The following SLC4A8 variants were observed in gnomAD, a reference collection of about 807,000 sequenced individuals.
SLC4A8 encodes solute carrier family 4 member 8.
In SLC4A8, 40 loss-of-function variants were observed where a neutral mutation model predicts 125.0. The ratio of observed to expected loss-of-function variants is 0.32; its 90% confidence interval spans 0.25 to 0.42. The LOEUF (loss-of-function observed/expected upper bound fraction) is 0.42. Among genes scored for constraint, SLC4A8 ranks in the 10% least tolerant of loss-of-function variants. The probability of loss-of-function intolerance (pLI) is 1.00; values close to 1 mark genes in which losing one functional copy is unlikely to be tolerated. For missense variants in SLC4A8, 863 were observed against 1,355.1 expected, an observed-to-expected ratio of 0.64 and a Z score of 5.70; for synonymous variants, 456 against 476.0, an observed-to-expected ratio of 0.96 and a Z score of 0.55.
rs551601029 is a variant in SLC4A8, at chr12:51,400,090, A to T, written c.-112+8602A>T. On this transcript the variant is annotated intron_variant, in intron 1 of 24. Transcript: ENST00000358657. ...GGTGGAGTGGGCAGAGGCCATGCAG[A>T]CCCAAGCACTGCCCCTTGGCCCTCT... Among the ~76,000 whole-genome samples, 5 of 152,108 alleles carry T rather than the reference A, an allele frequency of 3.3e-5. No homozygotes were observed. In the South Asian group the frequency reaches 6.2e-4, roughly 19 times the overall value.
chr12:51,484,114 A>C (rs1329693771), intron 16 of SLC4A8, among the ~76,000 whole-genome samples: 1 of 151,824 alleles, frequency 6.6e-6, no homozygotes, highest in Non-Finnish European at 1.5e-5. Context: ...AGGGTACATA[A>C]ATGGGAGGAC....
intron 11 of SLC4A8, among the ~76,000 whole-genome samples, chr12:51,464,009 G>A (rs904147261): frequency 7.1e-4 from 108 of 151,782 alleles, no homozygotes; most frequent in African/African-American, 1.8e-3. Flanking sequence ...TAACTCCTAC[G>A]TACCCTTAGT....
intron 13 of SLC4A8, among the ~76,000 whole-genome samples, chr12:51,470,840 C>G (rs530112794): frequency 2.0e-5 from 3 of 151,608 alleles, no homozygotes; most frequent in East Asian, 1.9e-4. Context: ...TTAATTTGGC[C>G]TAATATCCTC....
chr12:51,446,407 G>T (rs1451261959), intron 2 of SLC4A8, among the ~76,000 whole-genome samples: 2 of 152,186 alleles, frequency 1.3e-5, no homozygotes, highest in Non-Finnish European at 2.9e-5. Flanking sequence ...TTGGAATTTG[G>T]AAAACAGAGA....
At chr12:51,414,272 G>T (rs1439659940) in intron 1 of SLC4A8, among the ~76,000 whole-genome samples, 2 of 150,640 alleles carry the variant, frequency 1.3e-5, no homozygotes, top group Non-Finnish European at 2.9e-5. Context: ...GGTTTACCTT[G>T]TATACTGCAA....
intron 1 of SLC4A8, among the ~76,000 whole-genome samples, chr12:51,399,307 T>C (rs1472463116): frequency 6.6e-6 from 1 of 152,152 alleles, no homozygotes; most frequent in Non-Finnish European, 1.5e-5. Flanking sequence ...AGCTCAAAAG[T>C]ATAGTGAAGA....
intron 16 of SLC4A8, chr12:51,480,373 C>A: frequency 8.7e-7 from 1 of 1,149,990 alleles, no homozygotes; most frequent in Non-Finnish European, 1.1e-6. Flanking sequence ...GAATGTGCTG[C>A]TTAATTTTAC....
At chr12:51,403,419 G>A (rs1199514850) in intron 1 of SLC4A8, 14 of 358,626 alleles carry the variant, frequency 3.9e-5, no homozygotes, top group Non-Finnish European at 3.4e-5. Context: ...TGGGTTTGAG[G>A]GTGGGCAAGA....
At chr12:51,476,748 G>A in intron 16 of SLC4A8, among the ~76,000 whole-genome samples, 1 of 151,982 alleles carries the variant, frequency 6.6e-6, no homozygotes. Flanking sequence ...CCAGTGGTGT[G>A]GCCTTACCTG....
chr12:51,393,042 C>A (rs1051856834), intron 1 of SLC4A8, among the ~76,000 whole-genome samples: 2 of 119,576 alleles, frequency 1.7e-5, no homozygotes, highest in Non-Finnish European at 3.9e-5. Flanking sequence ...TTTCTTTTTT[C>A]TTTCTTTCTT....
intron 5 of SLC4A8, 126 bp downstream of exon 5, chr12:51,453,825 T>G: frequency 6.0e-6 from 4 of 671,094 alleles, no homozygotes; most frequent in East Asian, 3.6e-5. Context: ...ACAACCTTCC[T>G]GGCCTCAATG....
intron 21 of SLC4A8, 146 bp downstream of exon 21, chr12:51,495,264 C>T (rs1951431153): frequency 1.5e-6 from 1 of 667,764 alleles, no homozygotes; most frequent in Non-Finnish European, 2.5e-6. Context: ...TTACCACCCT[C>T]CAGCTCTGGA....
intron 1 of SLC4A8, among the ~76,000 whole-genome samples, chr12:51,435,341 T>C (rs1276153970): frequency 6.6e-6 from 1 of 152,238 alleles, no homozygotes; most frequent in East Asian, 1.9e-4. Flanking sequence ...ATCTACTCTG[T>C]GGTACCACTC....
chr12:51,469,571 G>A (rs868495417), intron 11 of SLC4A8, 43 bp from the exon 12 acceptor site: 2 of 1,568,204 alleles, frequency 1.3e-6, no homozygotes, highest in East Asian at 2.2e-5. Context: ...TGCTTTTAGG[G>A]AAGACGGACT....
chr12:51,420,272 A>G (rs1948759367), upstream of SLC4A8: 1 of 152,218 alleles, frequency 6.6e-6, no homozygotes, highest in African/African-American at 2.4e-5. Flanking sequence ...ATTGGGACCT[A>G]TTTAATTGCA....
chr12:51,449,127 C>A (rs915941857), intron 2 of SLC4A8, among the ~76,000 whole-genome samples: 4 of 152,126 alleles, frequency 2.6e-5, no homozygotes, highest in African/African-American at 9.7e-5. Context: ...GAACTTCTTC[C>A]ATCTCTTCTC....
rs886801974 is a variant in SLC4A8 at position 51,482,069 on chromosome 12, T to G, written c.2173-3718T>G. ...GTAAATCACTCTGAAAGAGTTTGCA[T>G]AAGATTCTGTAGATTTGCAGTATTT... On this transcript the variant is annotated intron_variant, in intron 16 of 24. Coordinates refer to ENST00000453097, the MANE Select transcript of SLC4A8 (RefSeq NM_001039960.3). Among the ~76,000 whole-genome samples, 4 of 152,330 alleles carry G rather than the reference T, an allele frequency of 2.6e-5. No homozygotes were observed. The South Asian group carries it at 8.3e-4, about 32-fold the overall frequency.
intron 2 of SLC4A8, among the ~76,000 whole-genome samples, chr12:51,448,896 G>A (rs1949874852): frequency 6.6e-6 from 1 of 152,140 alleles, no homozygotes; most frequent in African/African-American, 2.4e-5. Context: ...GTTTGATAAA[G>A]AAGGAAAGAG....
chr12:51,444,350 T>C (rs758909269), intron 2 of SLC4A8, among the ~76,000 whole-genome samples: 14 of 152,214 alleles, frequency 9.2e-5, no homozygotes, highest in Non-Finnish European at 1.9e-4. Context: ...TGCCTGATTT[T>C]CTGACAGCCG....
Sources: gnomAD v4.1 joint callset for allele counts (sites outside exome capture counted in the v4.1 genomes callset) on GRCh38, gnomAD v4.1.1 for gene constraint, MANE v1.5 for transcripts, NCBI Gene and HGNC (gene_info 2026-07-23, HGNC 2026-07-21) for gene names.